ST18: variants seen among roughly 807,000 people sequenced by gnomAD.
ST18 encodes ST18 C2H2C-type zinc finger transcription factor, also known as suppression of tumorigenicity 18 protein.
A neutral mutation model predicts 110.0 loss-of-function variants in ST18; 50 were observed. The ratio of observed to expected loss-of-function variants is 0.45; its 90% CI spans 0.36 to 0.58. ST18 has a LOEUF of 0.58. Ranked by LOEUF, ST18 falls within the 20% of genes least tolerant of loss-of-function variation. The probability of loss-of-function intolerance (pLI) is 0.00; values close to 1 mark genes in which losing one functional copy is unlikely to be tolerated. For synonymous variants in ST18, 461 were observed against 452.4 expected (o/e 1.02, Z -0.24); for missense variants, 1,306 against 1,280.1 (o/e 1.02, Z -0.31).
chr8:52,168,604 G>T (rs940677501), intron 10 of ST18, among the ~76,000 whole-genome samples: 4 of 152,136 alleles, frequency 2.6e-5, no homozygotes, highest in Non-Finnish European at 4.4e-5. Context: ...GAGGTCAGGA[G>T]ACAAGGCAGG....
At chr8:52,266,419 T>G (rs1042413041) in intron 2 of ST18, among the ~76,000 whole-genome samples, 2 of 151,906 alleles carry the variant, frequency 1.3e-5, no homozygotes, top group Middle Eastern at 3.2e-3. Flanking sequence ...GAGGGTATGG[T>G]AACAGGAGCA....
At chr8:52,166,415 A>G (rs965387402) in intron 11 of ST18, among the ~76,000 whole-genome samples, 2 of 152,178 alleles carry the variant, frequency 1.3e-5, no homozygotes, top group South Asian at 2.1e-4. Context: ...AGAGGCAGGT[A>G]CCAGACAACT....
chr8:52,221,010 T>C (rs571296840), intron 4 of ST18, among the ~76,000 whole-genome samples, 162 bp from the exon 5 acceptor site: 1 of 152,308 alleles, frequency 6.6e-6, no homozygotes, highest in Admixed American at 6.5e-5. Flanking sequence ...ATACTATGTA[T>C]CAATGGGGAA....
intron 2 of ST18, among the ~76,000 whole-genome samples, chr8:52,320,231 A>G (rs1803275699): frequency 6.6e-6 from 1 of 152,196 alleles, no homozygotes; most frequent in Non-Finnish European, 1.5e-5. Context: ...ATATATGTAT[A>G]TATGTGTGTA....
intron 8 of ST18, among the ~76,000 whole-genome samples, chr8:52,209,075 G>A (rs974285797): frequency 2.0e-5 from 3 of 152,082 alleles, no homozygotes; most frequent in Non-Finnish European, 2.9e-5. Flanking sequence ...AAAGATAATC[G>A]TTAGAGAATT....
chr8:52,352,019 A>T (rs766264493), intron 2 of ST18, among the ~76,000 whole-genome samples: 11 of 152,304 alleles, frequency 7.2e-5, no homozygotes, highest in Middle Eastern at 3.4e-3. Flanking sequence ...AACAATGTAC[A>T]TGTGGCATCG....
At chr8:52,327,748 A>G (rs1807160113) in intron 2 of ST18, among the ~76,000 whole-genome samples, 1 of 152,190 alleles carries the variant, frequency 6.6e-6, no homozygotes, top group African/African-American at 2.4e-5. Flanking sequence ...GAATCCAATC[A>G]AAGCTAAACC....
intron 16 of ST18, among the ~76,000 whole-genome samples, chr8:52,144,840 T>C (rs2056664975): frequency 6.6e-6 from 1 of 152,112 alleles, no homozygotes; most frequent in African/African-American, 2.4e-5. Flanking sequence ...TTCAAAGTTT[T>C]ATGCTGTAAA....
At chr8:52,292,382 T>C (rs2095569527) in intron 2 of ST18, among the ~76,000 whole-genome samples, 1 of 146,070 alleles carries the variant, frequency 6.8e-6, no homozygotes, top group African/African-American at 2.6e-5. Context: ...CATGCATGTA[T>C]GTGTGTGTGT....
chr8:52,256,996 T>C lies in ST18; in HGVS notation c.-464-26919A>G, dbSNP rs1453554570. Among the ~76,000 whole-genome samples the C allele has an allele frequency of 2.0e-5, 3 of 152,178 alleles. No individual in the cohort carries two copies. In the East Asian group the frequency reaches 5.8e-4, roughly 29 times the overall value. ...TCCCTCTCACCCAGGCAACCACTGATCTATTTCCGTCTTTGTAAATTTGCC... is the reference window on the plus strand; with the variant it reads ...TCCCTCTCACCCAGGCAACCACTGACCTATTTCCGTCTTTGTAAATTTGCC... On this transcript the variant is annotated intron_variant, in intron 2 of 25. Transcript: ENST00000689386.
chr8:52,205,096 TATAC>T (rs915415245), intron 8 of ST18, among the ~76,000 whole-genome samples: 17 of 144,040 alleles, frequency 1.2e-4, no homozygotes, highest in Admixed American at 4.8e-4. Flanking sequence ...TACATATATA[TATAC>T]ACACACACAC....
chr8:52,379,714 A>T (rs1247279863), intron 2 of ST18, among the ~76,000 whole-genome samples: 10 of 152,138 alleles, frequency 6.6e-5, no homozygotes, highest in Non-Finnish European at 7.4e-5. Context: ...ATATATTACA[A>T]AAGTTAAAGT....
Position 52,113,057 on chromosome 8 carries a change from G to A in ST18, c.*141C>T, listed in dbSNP as rs773673615. On this transcript the variant is annotated 3_prime_UTR_variant, in exon 26 of 26. Transcript: ENST00000689386. The stretch of plus-strand genomic sequence containing the variant: ...TTTTCTTTCCTTTTTATATCAGCTG[G>A]GGAAAATAAAATTAGTGCAATGTTG... 8 of 911,844 alleles carry A rather than the reference G, an allele frequency of 8.8e-6. No homozygotes were observed. The highest frequency in any genetic ancestry group is 1.2e-5 in the Non-Finnish European group (8 of 662,736). 56.5% of individuals were successfully genotyped at this position (911,844 alleles called of 1,614,324 possible). A position where few individuals can be genotyped will look rare whatever the true frequency, so the allele number is the denominator to read the frequency against.
At chr8:52,352,592 A>G (rs1335990267) in intron 2 of ST18, among the ~76,000 whole-genome samples, 2 of 152,198 alleles carry the variant, frequency 1.3e-5, no homozygotes, top group Non-Finnish European at 2.9e-5. Context: ...CCAGGTGAAT[A>G]TAGACATAAG....
intron 5 of ST18, among the ~76,000 whole-genome samples, chr8:52,219,876 T>C (rs1023361628): frequency 5.9e-5 from 9 of 152,224 alleles, no homozygotes; most frequent in African/African-American, 2.2e-4. Context: ...TTGTCACTGC[T>C]GGTGTAGACT....
At chr8:52,377,210 T>G (rs34585910) in intron 2 of ST18, among the ~76,000 whole-genome samples, 13 of 152,198 alleles carry the variant, frequency 8.5e-5, no homozygotes, top group Non-Finnish European at 1.9e-4. Flanking sequence ...ATAATTATAT[T>G]ACCTAAATGC....
chr8:52,368,405 T>C (rs1828985723), intron 2 of ST18, among the ~76,000 whole-genome samples: 1 of 152,162 alleles, frequency 6.6e-6, no homozygotes, highest in South Asian at 2.1e-4. Flanking sequence ...TGCTTAGAAA[T>C]CAAAATTCTG....
chr8:52,152,393 C>T (rs2059036556), intron 15 of ST18, among the ~76,000 whole-genome samples: 1 of 152,164 alleles, frequency 6.6e-6, no homozygotes, highest in Non-Finnish European at 1.5e-5. Flanking sequence ...CATCCCCCAC[C>T]CCCTCAATCT....
At chr8:52,198,098 T>C (rs112411185) in intron 8 of ST18, among the ~76,000 whole-genome samples, 11,607 of 152,216 alleles carry the variant, frequency 0.076, 488 homozygotes, top group Middle Eastern at 0.1. Context: ...CTCGGCTCAC[T>C]GCAACCTTCG....
Sources: gnomAD v4.1 joint callset for allele counts (sites outside exome capture counted in the v4.1 genomes callset) on GRCh38, gnomAD v4.1.1 for gene constraint, MANE v1.5 for transcripts, NCBI Gene and HGNC (gene_info 2026-07-23, HGNC 2026-07-21) for gene names.